The following CAMK2D variants were observed in gnomAD, a reference collection of about 807,000 sequenced individuals.
CAMK2D encodes calcium/calmodulin dependent protein kinase II delta.
CAMK2D carries 37 observed loss-of-function variants against 84.0 expected under a neutral mutation model. That is an observed-to-expected ratio of 0.44 (90% CI 0.34 to 0.58). The LOEUF (loss-of-function observed/expected upper bound fraction) is 0.58. Among genes scored for constraint, CAMK2D ranks in the 20% least tolerant of loss-of-function variants. The pLI is 0.02. For missense variants in CAMK2D, 448 were observed against 652.5 expected (o/e 0.69, Z 3.41); for synonymous variants, 202 against 212.5 (o/e 0.95, Z 0.43).
At chr4:113,587,276 T>C (rs1315658445) in intron 4 of CAMK2D, among the ~76,000 whole-genome samples, 1 of 152,218 alleles carries the variant, frequency 6.6e-6, no homozygotes, top group Admixed American at 6.5e-5. Context: ...TGGTAAGTGC[T>C]TAACAAATGT....
At chr4:113,603,864 G>T (rs957713300) in intron 4 of CAMK2D, among the ~76,000 whole-genome samples, 2 of 147,854 alleles carry the variant, frequency 1.4e-5, no homozygotes, top group Admixed American at 1.3e-4. Context: ...GGAGGCTGAG[G>T]AGGGAGGATA....
chr4:113,713,965 T>C (rs2099503866), intron 2 of CAMK2D, among the ~76,000 whole-genome samples: 1 of 151,958 alleles, frequency 6.6e-6, no homozygotes. Flanking sequence ...TGGCATCTGT[T>C]TTTTGTGAGT....
chr4:113,513,234 A>G (rs1016896496), intron 12 of CAMK2D, 94 bp downstream of exon 12: 4 of 1,573,112 alleles, frequency 2.5e-6, no homozygotes, highest in Non-Finnish European at 3.4e-6. Context: ...AAGTTTTTCT[A>G]ATTATTAGAT....
intron 2 of CAMK2D, among the ~76,000 whole-genome samples, chr4:113,662,651 T>C (rs1592672483): frequency 6.6e-6 from 1 of 152,250 alleles, no homozygotes; most frequent in East Asian, 1.9e-4. Context: ...CAAATGCCAG[T>C]AGTTTAACAC....
chr4:113,571,680 C>A (rs1170341803), intron 4 of CAMK2D, among the ~76,000 whole-genome samples: 1 of 152,146 alleles, frequency 6.6e-6, no homozygotes, highest in Non-Finnish European at 1.5e-5. Flanking sequence ...TCAAGCCTAG[C>A]CTGGCCAACA....
intron 2 of CAMK2D, among the ~76,000 whole-genome samples, chr4:113,683,940 G>C (rs968955383): frequency 2.0e-5 from 3 of 152,130 alleles, no homozygotes; most frequent in African/African-American, 7.2e-5. Context: ...TTACCACTTA[G>C]GATTGTTTCT....
chr4:113,524,731 C>A (rs760343000), intron 8 of CAMK2D, among the ~76,000 whole-genome samples: 4 of 152,096 alleles, frequency 2.6e-5, no homozygotes, highest in Non-Finnish European at 5.9e-5. Context: ...CAGGAGGGTG[C>A]ACTTTAGGTC....
chr4:113,743,547 C>T (rs1211847296), intron 2 of CAMK2D, among the ~76,000 whole-genome samples: 1 of 152,146 alleles, frequency 6.6e-6, no homozygotes, highest in Non-Finnish European at 1.5e-5. Context: ...CTATAACTGC[C>T]CTCTTCTCCA....
chr4:113,535,563 C>T (rs979235061), intron 7 of CAMK2D, among the ~76,000 whole-genome samples: 1 of 152,196 alleles, frequency 6.6e-6, no homozygotes, highest in African/African-American at 2.4e-5. Flanking sequence ...TTCAAAAAAA[C>T]ATAAAATCAT....
chr4:113,470,648 A>AAG (rs955685750), intron 16 of CAMK2D, among the ~76,000 whole-genome samples: 2 of 151,690 alleles, frequency 1.3e-5, no homozygotes, highest in African/African-American at 2.4e-5. Context: ...AAAAAAAGAA[A>AAG]AAAAAAAAAA....
rs1479652796 is a variant in CAMK2D at position 113,485,653 on chromosome 4, G to T, written c.1135+14810C>A. Among the ~76,000 whole-genome samples, 3 of 152,106 alleles carry T rather than the reference G, an allele frequency of 2.0e-5. No homozygotes were observed. The East Asian group carries it at 5.8e-4, about 29-fold the overall frequency. Reference sequence around the variant, plus strand: ...GGACATCTTACCACATCTTTCCTCTGCTTAAAACTTTCTGATATTCCTCAG... The same window carrying T: ...GGACATCTTACCACATCTTTCCTCTTCTTAAAACTTTCTGATATTCCTCAG... On this transcript the variant is annotated intron_variant, in intron 16 of 20. Coordinates refer to ENST00000511664, the MANE Select transcript of CAMK2D (RefSeq NM_001321571.2).
At chr4:113,693,585 A>C (rs778588924) in intron 2 of CAMK2D, among the ~76,000 whole-genome samples, 1 of 152,134 alleles carries the variant, frequency 6.6e-6, no homozygotes, top group Non-Finnish European at 1.5e-5. Context: ...ATTGTTTCTC[A>C]TATTCCCTGC....
At chr4:113,688,860 T>C (rs1029098311) in intron 2 of CAMK2D, among the ~76,000 whole-genome samples, 4 of 112,226 alleles carry the variant, frequency 3.6e-5, no homozygotes. Flanking sequence ...TACCCCAAAA[T>C]GACCATTGAA....
At chr4:113,559,910 C>A (rs1437946256) in intron 4 of CAMK2D, among the ~76,000 whole-genome samples, 2 of 152,162 alleles carry the variant, frequency 1.3e-5, no homozygotes, top group Non-Finnish European at 2.9e-5. Context: ...ATAGAGGTGA[C>A]AGATGAGTGA....
chr4:113,531,831 A>T (rs536606457), intron 7 of CAMK2D, among the ~76,000 whole-genome samples: 1 of 152,324 alleles, frequency 6.6e-6, no homozygotes, highest in Admixed American at 6.5e-5. Flanking sequence ...GTGGTAAGAA[A>T]AACTAGATGG....
In CAMK2D at chr4:113,761,633, G is replaced by T. The variant is rs1421271454; in HGVS notation, c.-565C>A. 1 of 985,158 alleles carries T rather than the reference G, an allele frequency of 1.0e-6. No homozygotes were observed. Among genetic ancestry groups the T allele is most frequent in the Non-Finnish European group, 1.2e-6 (1 of 829,830 alleles). The allele number at this position is 985,158 out of a possible 1,614,324, so 61.0% of individuals were successfully genotyped here. ...CCGACGAGCGTGCGCGCCCGAGGCC[G>T]GCTTCCCTCCGGCGGGCGGCAGCGG... On this transcript the variant is annotated 5_prime_UTR_variant, in exon 1 of 21. Coordinates refer to ENST00000511664, the MANE Select transcript of CAMK2D (RefSeq NM_001321571.2).
rs2098240501 is a variant in CAMK2D at position 113,513,208 on chromosome 4, C to T, written c.946+120G>A. ...AGAAGGAATCTGTGCCACACATTTG[C>T]CACCCCTGAACAATGAAGTTTTTCT... On this transcript the variant is annotated intron_variant, in intron 12 of 20. Coordinates refer to ENST00000511664, the MANE Select transcript of CAMK2D (RefSeq NM_001321571.2). 7.2e-6 allele frequency: 11 copies of T among 1,520,678 alleles called. No individual in the cohort carries two copies. In the South Asian group the frequency reaches 1.1e-4, roughly 15 times the overall value. The allele number at this position is 1,520,678 out of a possible 1,614,324, so 94.2% of individuals were successfully genotyped here. A position where few individuals can be genotyped will look rare whatever the true frequency, so the allele number is the denominator to read the frequency against.
At chr4:113,644,916 AG>A (rs1476636658) in intron 3 of CAMK2D, among the ~76,000 whole-genome samples, 1 of 152,222 alleles carries the variant, frequency 6.6e-6, no homozygotes, top group Non-Finnish European at 1.5e-5. Flanking sequence ...CTCACTGTAG[AG>A]CAGGGGTCAG....
rs2098017775 is a variant in CAMK2D, at chr4:113,500,333, A to G, written c.1135+130T>C. ...GTACTTATAAAAATATTTTTTACTC[A>G]TAAATAAAATATTTTTGTGCTTTAG... On this transcript the variant is annotated intron_variant, in intron 16 of 20. Transcript: ENST00000511664. 6.1e-6 allele frequency: 3 copies of G among 495,856 alleles called. No individual in the cohort carries two copies. In the East Asian group the frequency reaches 9.3e-5, roughly 15 times the overall value. The allele number at this position is 495,856 out of a possible 1,614,324, so 30.7% of individuals were successfully genotyped here. A position where few individuals can be genotyped will look rare whatever the true frequency, so the allele number is the denominator to read the frequency against.
Sources: gnomAD v4.1 joint callset for allele counts (sites outside exome capture counted in the v4.1 genomes callset) on GRCh38, gnomAD v4.1.1 for gene constraint, MANE v1.5 for transcripts, NCBI Gene and HGNC (gene_info 2026-07-23, HGNC 2026-07-21) for gene names.